The following GATAD2A variants were observed in gnomAD, a reference collection of about 807,000 sequenced individuals.
GATAD2A encodes GATA zinc finger domain containing 2A, also known as transcriptional repressor p66-alpha.
A neutral mutation model predicts 68.5 loss-of-function variants in GATAD2A; 12 were observed. That is an observed-to-expected ratio of 0.18 (90% CI 0.11 to 0.28). The LOEUF (loss-of-function observed/expected upper bound fraction) is 0.28. GATAD2A is among the 10% of genes least tolerant of loss of function. GATAD2A has a pLI of 1.00. For synonymous variants in GATAD2A, 410 were observed against 375.3 expected, an observed-to-expected ratio of 1.09 and a Z score of -1.07; for missense variants, 755 against 868.5, an observed-to-expected ratio of 0.87 and a Z score of 1.64.
chr19:19,478,543 G>A (rs992432342), intron 2 of GATAD2A, among the ~76,000 whole-genome samples: 10 of 151,760 alleles, frequency 6.6e-5, no homozygotes, highest in Admixed American at 1.3e-4. Flanking sequence ...GCAGTGAGCC[G>A]AGATCGCACC....
intron 1 of GATAD2A, among the ~76,000 whole-genome samples, chr19:19,431,642 C>T (rs931729523): frequency 6.8e-6 from 1 of 148,062 alleles, no homozygotes; most frequent in Non-Finnish European, 1.5e-5. Flanking sequence ...TGCAGTGAGC[C>T]GAGATCGCAC....
At chr19:19,385,875 G>A (rs1417874335) in exon 1 of GATAD2A, 4 of 151,440 alleles carry the variant, frequency 2.6e-5, no homozygotes, top group African/African-American at 9.7e-5. Flanking sequence ...CTGAGCTGCG[G>A]CTCCGAGCGC....
At chr19:19,426,115 A>G (rs929766168) in intron 1 of GATAD2A, among the ~76,000 whole-genome samples, 12 of 151,894 alleles carry the variant, frequency 7.9e-5, no homozygotes, top group Admixed American at 6.6e-4. Context: ...TTTCTTTTTA[A>G]TGATGTTAAT....
chr19:19,490,437 G>T (rs990491737), intron 2 of GATAD2A, among the ~76,000 whole-genome samples: 3 of 152,110 alleles, frequency 2.0e-5, no homozygotes, highest in Admixed American at 6.6e-5. Context: ...TCATCCTAGC[G>T]ACTCTCCTCA....
At chr19:19,411,977 G>T (rs1420588395) in intron 1 of GATAD2A, among the ~76,000 whole-genome samples, 1 of 152,024 alleles carries the variant, frequency 6.6e-6, no homozygotes, top group African/African-American at 2.4e-5. Context: ...GGCAGCTCAC[G>T]TCTGTAATCC....
rs980324200 is a variant in GATAD2A at position 19,492,586 on chromosome 19, C to G, written c.408C>G (p.Ser136Arg). The G allele has an allele frequency of 6.2e-7, 1 of 1,614,110 alleles. No individual in the cohort carries two copies. The highest frequency in any genetic ancestry group is 1.3e-5 in the African/African-American group (1 of 74,950). Residue 136 changes from serine (S) to arginine (R), a missense_variant, in exon 4 of 12, where the codon AGC becomes AGG. By Grantham distance (110) the Ser-to-Arg change is moderately radical. Coordinates refer to ENST00000683918, the MANE Select transcript of GATAD2A (RefSeq NM_001384528.1). ...KETSTEALMK[S>R]SPEERERMIK... Reference sequence around the variant, plus strand: ...TGTTCCTCTCGCCCCTGCAGAAAAGCAGTCCTGAAGAACGAGAAAGGATGA... The same window carrying G: ...TGTTCCTCTCGCCCCTGCAGAAAAGGAGTCCTGAAGAACGAGAAAGGATGA...
intron 6 of GATAD2A, 72 bp downstream of exon 6, chr19:19,495,957 C>T: frequency 6.9e-6 from 11 of 1,584,440 alleles, no homozygotes; most frequent in Non-Finnish European, 9.5e-6. Flanking sequence ...TAGGGCCCTT[C>T]CCAGTCCTTG....
intron 1 of GATAD2A, among the ~76,000 whole-genome samples, chr19:19,425,539 C>G (rs2052973835): frequency 6.6e-6 from 1 of 152,176 alleles, no homozygotes; most frequent in Non-Finnish European, 1.5e-5. Flanking sequence ...CTTGACCAAG[C>G]CATAATTAGC....
chr19:19,417,574 C>G (rs756175258), intron 1 of GATAD2A, among the ~76,000 whole-genome samples: 3 of 152,094 alleles, frequency 2.0e-5, no homozygotes, highest in Non-Finnish European at 2.9e-5. Flanking sequence ...GAAAGTCATA[C>G]TGGGAACTAA....
chr19:19,414,184 T>A (rs2051298408), intron 1 of GATAD2A, among the ~76,000 whole-genome samples: 2 of 152,324 alleles, frequency 1.3e-5, no homozygotes, highest in Middle Eastern at 3.4e-3. Context: ...AGTCTTATTG[T>A]TAGTTTGTAT....
At chr19:19,466,890 G>T (rs1450066074) in intron 2 of GATAD2A, among the ~76,000 whole-genome samples, 1 of 152,164 alleles carries the variant, frequency 6.6e-6, no homozygotes, top group Non-Finnish European at 1.5e-5. Flanking sequence ...GCTCAGCAGG[G>T]GTGAGCAGTG....
chr19:19,483,637 C>CT (rs926595646), intron 2 of GATAD2A, among the ~76,000 whole-genome samples: 1 of 151,590 alleles, frequency 6.6e-6, no homozygotes, highest in African/African-American at 2.4e-5. Flanking sequence ...TTTTTGGAGA[C>CT]TGAGTCTCGG....
intron 2 of GATAD2A, among the ~76,000 whole-genome samples, chr19:19,475,175 G>C (rs1322070500): frequency 6.6e-6 from 1 of 152,228 alleles, no homozygotes; most frequent in Admixed American, 6.5e-5. Context: ...CCGGCCGGCT[G>C]TCTACAGGAA....
chr19:19,442,714 T>C (rs2147680817), intron 1 of GATAD2A, among the ~76,000 whole-genome samples: 1 of 150,384 alleles, frequency 6.6e-6, no homozygotes, highest in Non-Finnish European at 1.5e-5. Context: ...GCCATAGGAT[T>C]GCCTGAGCTC....
chr19:19,499,647 C>T (rs995866529), intron 8 of GATAD2A, among the ~76,000 whole-genome samples: 3 of 152,166 alleles, frequency 2.0e-5, no homozygotes, highest in Non-Finnish European at 4.4e-5. Flanking sequence ...TTTGGTGCAT[C>T]AACTGGTGCC....
intron 1 of GATAD2A, among the ~76,000 whole-genome samples, chr19:19,443,764 G>A (rs1802680185): frequency 6.6e-6 from 1 of 152,078 alleles, no homozygotes; most frequent in African/African-American, 2.4e-5. Flanking sequence ...TTTTCTCAGG[G>A]AGCTTCGTGA....
intron 1 of GATAD2A, among the ~76,000 whole-genome samples, chr19:19,415,958 G>GT (rs11436420): frequency 0.5 from 75,226 of 150,970 alleles, 22,186 homozygotes; most frequent in African/African-American, 0.83. Flanking sequence ...TCCCTGTATG[G>GT]TTTTTTTTCC....
intron 1 of GATAD2A, among the ~76,000 whole-genome samples, chr19:19,395,529 C>T (rs2049164785): frequency 6.6e-6 from 1 of 152,126 alleles, no homozygotes. Flanking sequence ...CTGGAAGCCA[C>T]CAGTGGACCT....
At chr19:19,474,191 A>T in intron 2 of GATAD2A, 3 of 983,396 alleles carry the variant, frequency 3.1e-6, no homozygotes, top group Non-Finnish European at 3.6e-6. Flanking sequence ...GTTTGGACAG[A>T]TGCTTTTTAC....
Sources: gnomAD v4.1 joint callset for allele counts (sites outside exome capture counted in the v4.1 genomes callset) on GRCh38, gnomAD v4.1.1 for gene constraint, MANE v1.5 for transcripts, NCBI Gene and HGNC (gene_info 2026-07-23, HGNC 2026-07-21) for gene names.